The following PDZRN3 variants were observed in gnomAD, a reference collection of about 807,000 sequenced individuals.
The protein encoded by PDZRN3 is PDZ domain containing ring finger 3.
PDZRN3 carries 38 observed loss-of-function variants against 85.7 expected under a neutral mutation model. The ratio of observed to expected loss-of-function variants is 0.44; its 90% CI spans 0.34 to 0.58. PDZRN3 has a LOEUF of 0.58. Among genes scored for constraint, PDZRN3 ranks in the 20% least tolerant of loss-of-function variants. The pLI is 0.01. For synonymous variants in PDZRN3, 759 were observed against 638.0 expected (o/e 1.19, Z -2.86); for missense variants, 1,629 against 1,506.4 (o/e 1.08, Z -1.35).
intron 3 of PDZRN3, among the ~76,000 whole-genome samples, chr3:73,406,198 G>A (rs907161723): frequency 6.6e-6 from 1 of 152,240 alleles, no homozygotes; most frequent in African/African-American, 2.4e-5. Flanking sequence ...GACTTGGAAA[G>A]CAGGGTTTAA....
chr3:73,569,883 A>T (rs1485063512), intron 3 of PDZRN3, among the ~76,000 whole-genome samples: 2 of 152,286 alleles, frequency 1.3e-5, no homozygotes, highest in African/African-American at 4.8e-5. Context: ...TCATCTGTAA[A>T]TGGAAATGAC....
intron 3 of PDZRN3, among the ~76,000 whole-genome samples, chr3:73,496,646 T>G (rs935575724): frequency 2.0e-5 from 3 of 151,850 alleles, no homozygotes; most frequent in Non-Finnish European, 4.4e-5. Flanking sequence ...TCATCTAACA[T>G]CCATCCATAT....
intron 3 of PDZRN3, among the ~76,000 whole-genome samples, chr3:73,446,765 C>A (rs554761562): frequency 6.6e-6 from 1 of 152,148 alleles, no homozygotes; most frequent in South Asian, 2.1e-4. Context: ...CCAGGGTGCA[C>A]AGAATGGCGA....
At chr3:73,451,332 G>T (rs1702857156) in intron 3 of PDZRN3, among the ~76,000 whole-genome samples, 1 of 152,208 alleles carries the variant, frequency 6.6e-6, no homozygotes, top group Non-Finnish European at 1.5e-5. Flanking sequence ...GTTGGGAGTG[G>T]ATGTGTGGCT....
At chr3:73,410,039 T>C (rs1701934250) in intron 3 of PDZRN3, among the ~76,000 whole-genome samples, 1 of 152,198 alleles carries the variant, frequency 6.6e-6, no homozygotes. Flanking sequence ...TTCATTTAAT[T>C]AAATACAGGG....
Position 73,404,360 on chromosome 3 carries a change from G to A in PDZRN3, c.954C>T (p.Asp318=). The change falls in exon 4 of 10, where the codon GAC becomes GAT. Residue 318 remains aspartate (D), a synonymous_variant. Transcript: ENST00000263666. Reference sequence around the variant, plus strand: ...CTGTCTTGAAAGCTTCCACAGCCTGGTCATGAGTTGCTCTGGATAAGTCTC... The same window carrying A: ...CTGTCTTGAAAGCTTCCACAGCCTGATCATGAGTTGCTCTGGATAAGTCTC... The part of the protein sequence containing the change: ...NGRDLSRATH[D]QAVEAFKTAK... 6.2e-7 allele frequency: 1 copy of A among 1,614,104 alleles called. No individual in the cohort carries two copies. Among genetic ancestry groups the A allele is most frequent in the Non-Finnish European group, 8.5e-7 (1 of 1,179,988 alleles).
intron 3 of PDZRN3, among the ~76,000 whole-genome samples, chr3:73,469,545 T>C (rs751918280): frequency 6.6e-5 from 10 of 152,188 alleles, no homozygotes; most frequent in Non-Finnish European, 1.5e-4. Flanking sequence ...CTCACTGTGA[T>C]TACAATCACC....
At chr3:73,544,492 G>C (rs1279776539) in intron 3 of PDZRN3, among the ~76,000 whole-genome samples, 1 of 151,982 alleles carries the variant, frequency 6.6e-6, no homozygotes, top group Non-Finnish European at 1.5e-5. Context: ...TAGTTGATAT[G>C]ATAGTAGGTG....
chr3:73,553,807 A>G (rs1159060106), intron 3 of PDZRN3, among the ~76,000 whole-genome samples: 1 of 152,184 alleles, frequency 6.6e-6, no homozygotes, highest in Non-Finnish European at 1.5e-5. Context: ...CAGCTCTGGC[A>G]AAGTAGTGGC....
chr3:73,404,491 A>G, intron 3 of PDZRN3, 96 bp from the exon 4 acceptor site: 4 of 1,338,736 alleles, frequency 3.0e-6, no homozygotes, highest in Non-Finnish European at 4.1e-6. Flanking sequence ...TAAGCAGCTA[A>G]AAGAAAGAAG....
intron 3 of PDZRN3, among the ~76,000 whole-genome samples, chr3:73,577,010 A>G (rs1434720924): frequency 6.6e-6 from 1 of 152,216 alleles, no homozygotes; most frequent in East Asian, 1.9e-4. Flanking sequence ...TTAATCTGCA[A>G]TGTGATGTGA....
chr3:73,389,984 TTC>T, intron 6 of PDZRN3, 106 bp from the exon 7 acceptor site: 3 of 840,592 alleles, frequency 3.6e-6, no homozygotes, highest in Non-Finnish European at 6.1e-6. Context: ...ACCCCTGTGT[TTC>T]TGTTTTGCAC....
chr3:73,540,347 C>G (rs553816835), intron 3 of PDZRN3, among the ~76,000 whole-genome samples: 1 of 151,964 alleles, frequency 6.6e-6, no homozygotes, highest in African/African-American at 2.4e-5. Flanking sequence ...AAAACAAAAC[C>G]AAAAAACATG....
chr3:73,441,463 C>T (rs1423096646), intron 3 of PDZRN3, among the ~76,000 whole-genome samples: 3 of 145,406 alleles, frequency 2.1e-5, no homozygotes, highest in Non-Finnish European at 4.5e-5. Context: ...GCAAACTGTA[C>T]CAAACGAGGC....
At chr3:73,613,861 A>G (rs549809687) in intron 1 of PDZRN3, among the ~76,000 whole-genome samples, 158 of 152,042 alleles carry the variant, frequency 1.0e-3, no homozygotes, top group African/African-American at 3.6e-3. Flanking sequence ...CCAATTCAAG[A>G]GGTTAGCTGG....
At chr3:73,583,401 T>C (rs1702229224) in intron 3 of PDZRN3, among the ~76,000 whole-genome samples, 1 of 152,204 alleles carries the variant, frequency 6.6e-6, no homozygotes, top group South Asian at 2.1e-4. Flanking sequence ...ACAGATTAAC[T>C]ATATGGCGAA....
At chr3:73,529,072 C>G (rs532136304) in intron 3 of PDZRN3, among the ~76,000 whole-genome samples, 1 of 152,270 alleles carries the variant, frequency 6.6e-6, no homozygotes, top group East Asian at 1.9e-4. Flanking sequence ...TTTTGTGTCT[C>G]TGTGGCTAGG....
intron 3 of PDZRN3, among the ~76,000 whole-genome samples, chr3:73,539,135 C>T (rs1424226928): frequency 6.6e-6 from 1 of 152,088 alleles, no homozygotes; most frequent in Non-Finnish European, 1.5e-5. Context: ...CTGGCTTTAC[C>T]ACCTCTCTAC....
At chr3:73,416,868 TTTTTTTG>T (rs1702093505) in intron 3 of PDZRN3, among the ~76,000 whole-genome samples, 1 of 73,192 alleles carries the variant, frequency 1.4e-5, no homozygotes, top group African/African-American at 5.2e-5. Flanking sequence ...TTTGTTTGTT[TTTTTTTG>T]GTTTTTTTTT....
Sources: gnomAD v4.1 joint callset for allele counts (sites outside exome capture counted in the v4.1 genomes callset) on GRCh38, gnomAD v4.1.1 for gene constraint, MANE v1.5 for transcripts, NCBI Gene and HGNC (gene_info 2026-07-23, HGNC 2026-07-21) for gene names.